Variants in SLC9C1 observed in about 807,000 individuals in gnomAD.
SLC9C1 encodes the protein solute carrier family 9 member C1.
SLC9C1 carries 97 observed loss-of-function variants against 140.9 expected under a neutral mutation model. The ratio of observed to expected loss-of-function variants is 0.69; its 90% CI spans 0.58 to 0.82. The LOEUF is 0.82. Among genes scored for constraint, SLC9C1 ranks in the 40% least tolerant of loss-of-function variants. SLC9C1 has a pLI of 0.00. For missense variants in SLC9C1, 1,340 were observed against 1,389.3 expected, an observed-to-expected ratio of 0.96 and a Z score of 0.56; for synonymous variants, 440 against 442.6, an observed-to-expected ratio of 0.99 and a Z score of 0.07.
chr3:112,266,341 C>A lies in SLC9C1; in HGVS notation c.776-1G>T. 6.3e-7 allele frequency: 1 copy of A among 1,591,604 alleles called. No individual in the cohort carries two copies. Among genetic ancestry groups the A allele is most frequent in the Middle Eastern group, 1.7e-4 (1 of 5,928 alleles). On this transcript the variant is annotated splice_acceptor_variant, in intron 7 of 28. Coordinates refer to ENST00000305815, the MANE Select transcript of SLC9C1 (RefSeq NM_183061.3). LOFTEE classifies it high-confidence loss of function. ...ATTCCTGACATTCCAACTAACTCACCTATTTTTAAAAAGAAATAAATATAA... is the reference window on the plus strand; with the variant it reads ...ATTCCTGACATTCCAACTAACTCACATATTTTTAAAAAGAAATAAATATAA...
In SLC9C1 at chr3:112,208,168, TTTAGA is replaced by T. The variant is rs1346311000; in HGVS notation, c.1986+5_1986+9del. 2 of 1,575,934 alleles carry T rather than the reference TTTAGA, an allele frequency of 1.3e-6. No individual in the cohort carries two copies. The highest frequency in any genetic ancestry group is 1.7e-6 in the Non-Finnish European group (2 of 1,163,806). On this transcript the variant is annotated splice_donor_5th_base_variant and intron_variant, in intron 16 of 28. Coordinates refer to ENST00000305815, the MANE Select transcript of SLC9C1 (RefSeq NM_183061.3). Reference sequence around the variant, plus strand: ...ATAACACTTCCATACACACATAAATTTTAGATTACCTTAAGTAGTGCCTCTAGAAT... The same window carrying T: ...ATAACACTTCCATACACACATAAATTTTACCTTAAGTAGTGCCTCTAGAAT...
chr3:112,211,738 C>T (rs2078212617), intron 15 of SLC9C1, among the ~76,000 whole-genome samples: 1 of 152,210 alleles, frequency 6.6e-6, no homozygotes, highest in South Asian at 2.1e-4. Context: ...CCCACTGCAG[C>T]TCAAGGAGGC....
intron 9 of SLC9C1, 89 bp from the exon 10 acceptor site, chr3:112,263,187 G>A: frequency 1.8e-6 from 2 of 1,124,888 alleles, no homozygotes; most frequent in African/African-American, 1.6e-5. Flanking sequence ...ACTCCCTGTA[G>A]AATTCCTAAC....
At chr3:112,265,779 C>T (rs780751608) in intron 8 of SLC9C1, among the ~76,000 whole-genome samples, 2 of 152,040 alleles carry the variant, frequency 1.3e-5, no homozygotes, top group Non-Finnish European at 2.9e-5. Context: ...TTCAAATGCC[C>T]CAGCTTACTC....
At chr3:112,144,847 A>G (rs2074738540) in intron 28 of SLC9C1, among the ~76,000 whole-genome samples, 1 of 152,170 alleles carries the variant, frequency 6.6e-6, no homozygotes, top group Non-Finnish European at 1.5e-5. Flanking sequence ...CTTTTGGTAG[A>G]GTCCTTAGGG....
At chr3:112,161,014 T>G (rs1412538792) in intron 26 of SLC9C1, among the ~76,000 whole-genome samples, 1 of 152,266 alleles carries the variant, frequency 6.6e-6, no homozygotes, top group Non-Finnish European at 1.5e-5. Flanking sequence ...ATTTCTCTGA[T>G]GACCAGTGAT....
At chr3:112,205,776 G>T (rs2078030104) in intron 16 of SLC9C1, among the ~76,000 whole-genome samples, 1 of 142,348 alleles carries the variant, frequency 7.0e-6, no homozygotes, top group Non-Finnish European at 1.5e-5. Context: ...TTAATAAATG[G>T]TGCTGGGAAA....
intron 20 of SLC9C1, among the ~76,000 whole-genome samples, chr3:112,193,618 G>A (rs1560049400): frequency 6.6e-6 from 1 of 152,126 alleles, no homozygotes; most frequent in Non-Finnish European, 1.5e-5. Flanking sequence ...GTATGGGGAT[G>A]GCATGGGGTC....
intron 12 of SLC9C1, among the ~76,000 whole-genome samples, chr3:112,238,694 A>C (rs1028709751): frequency 2.0e-5 from 3 of 152,176 alleles, no homozygotes; most frequent in African/African-American, 7.2e-5. Context: ...CCTCAGCTGC[A>C]AGTCTGCTGG....
chr3:112,197,521 G>T (rs1010236923), intron 20 of SLC9C1, among the ~76,000 whole-genome samples: 3 of 152,006 alleles, frequency 2.0e-5, no homozygotes, highest in African/African-American at 7.3e-5. Flanking sequence ...GGTGCTGAGG[G>T]GTGAGGAGTA....
intron 15 of SLC9C1, among the ~76,000 whole-genome samples, chr3:112,211,142 G>C (rs959962259): frequency 3.3e-5 from 5 of 152,254 alleles, no homozygotes; most frequent in Middle Eastern, 3.4e-3. Flanking sequence ...CCATTTTTCA[G>C]ATAATAAAAT....
intron 11 of SLC9C1, among the ~76,000 whole-genome samples, chr3:112,241,036 GAATA>G (rs1441828695): frequency 6.6e-6 from 1 of 151,994 alleles, no homozygotes; most frequent in Non-Finnish European, 1.5e-5. Context: ...AATATAGAAA[GAATA>G]AATAAGACTT....
At position 112,277,859 on chromosome 3, in the gene SLC9C1, A is replaced by T; in HGVS notation, c.320T>A (p.Ile107Lys). ...TYMLQKLFWQ[I>K]LLISIPGFLV... ...AAAGCCGGGAATTGAAATTAAAAGTATCTGCAAAGAAATTTTACAATTAGA... is the reference window on the plus strand; with the variant it reads ...AAAGCCGGGAATTGAAATTAAAAGTTTCTGCAAAGAAATTTTACAATTAGA... Residue 107 changes from isoleucine (I) to lysine (K), a missense_variant and splice_region_variant, in exon 5 of 29, where the codon ATA becomes AAA. Transcript: ENST00000305815. 1 of 1,590,848 alleles carries T rather than the reference A, an allele frequency of 6.3e-7. No homozygotes were observed. Among genetic ancestry groups the T allele is most frequent in the Non-Finnish European group, 8.5e-7 (1 of 1,172,454 alleles).
intron 10 of SLC9C1, among the ~76,000 whole-genome samples, chr3:112,255,157 A>G (rs2079570610): frequency 6.6e-6 from 1 of 152,074 alleles, no homozygotes. Flanking sequence ...CACTCCACGG[A>G]CAGTAGCAAA....
chr3:112,220,294 T>G (rs372178439), intron 14 of SLC9C1, among the ~76,000 whole-genome samples: 9 of 152,332 alleles, frequency 5.9e-5, no homozygotes, highest in South Asian at 4.1e-4. Context: ...TCTGGCTGCT[T>G]CTTTTCTAAC....
intron 2 of SLC9C1, among the ~76,000 whole-genome samples, chr3:112,285,163 T>G (rs2080472486): frequency 6.6e-6 from 1 of 151,918 alleles, no homozygotes; most frequent in Admixed American, 6.6e-5. Context: ...ATTTTTTGTA[T>G]TTTTAGTAGA....
At chr3:112,241,705 T>C (rs1362877149) in intron 11 of SLC9C1, among the ~76,000 whole-genome samples, 1 of 152,052 alleles carries the variant, frequency 6.6e-6, no homozygotes, top group African/African-American at 2.4e-5. Context: ...ACTATACTAC[T>C]AGTCTACAGT....
chr3:112,216,052 C>A (rs1358459715), intron 15 of SLC9C1, among the ~76,000 whole-genome samples: 1 of 152,148 alleles, frequency 6.6e-6, no homozygotes, highest in East Asian at 1.9e-4. Flanking sequence ...AATAATACCA[C>A]ACATCTACAA....
At chr3:112,211,154 T>C (rs540702203) in intron 15 of SLC9C1, among the ~76,000 whole-genome samples, 3 of 152,350 alleles carry the variant, frequency 2.0e-5, no homozygotes, top group African/African-American at 7.2e-5. Flanking sequence ...TAATAAAATA[T>C]GCAAAAATTT....
Sources: allele counts gnomAD v4.1 joint callset (sites outside exome capture counted in the v4.1 genomes callset), GRCh38; gene constraint gnomAD v4.1.1; transcripts MANE v1.5; gene names NCBI Gene and HGNC (gene_info 2026-07-23, HGNC 2026-07-21).